Variants in CACNG4 observed in about 807,000 individuals in gnomAD.
CACNG4 encodes the protein calcium voltage-gated channel auxiliary subunit gamma 4.
A neutral mutation model predicts 22.9 loss-of-function variants in CACNG4; 8 were observed. The observed-to-expected ratio is 0.35, with a 90% confidence interval of 0.21 to 0.63. CACNG4 has a LOEUF of 0.63. Among genes scored for constraint, CACNG4 ranks in the 30% least tolerant of loss-of-function variants. The pLI, the probability that CACNG4 is intolerant of heterozygous loss-of-function variation, is 0.72. For missense variants in CACNG4, 357 were observed against 455.4 expected (o/e 0.78, Z 1.97); for synonymous variants, 188 against 191.9 (o/e 0.98, Z 0.17).
At chr17:67,010,472 C>T (rs2035462181) in intron 1 of CACNG4, among the ~76,000 whole-genome samples, 1 of 152,146 alleles carries the variant, frequency 6.6e-6, no homozygotes, top group Non-Finnish European at 1.5e-5. Context: ...AGTTAGGGCA[C>T]TTAGTAACAA....
At chr17:67,009,850 C>A (rs1567756744) in intron 1 of CACNG4, among the ~76,000 whole-genome samples, 1 of 151,658 alleles carries the variant, frequency 6.6e-6, no homozygotes, top group Non-Finnish European at 1.5e-5. Context: ...AACATCATCA[C>A]CTCAGGGTTA....
At chr17:66,989,697 G>A (rs1202814956) in intron 1 of CACNG4, among the ~76,000 whole-genome samples, 1 of 151,454 alleles carries the variant, frequency 6.6e-6, no homozygotes, top group Non-Finnish European at 1.5e-5. Flanking sequence ...CCAAGAGGGG[G>A]TAGCCTCAAA....
chr17:67,016,378 A>T (rs537095565), intron 1 of CACNG4, among the ~76,000 whole-genome samples: 1 of 152,172 alleles, frequency 6.6e-6, no homozygotes, highest in Admixed American at 6.5e-5. Flanking sequence ...GACCTTCAGG[A>T]ATCAGGGTTG....
At chr17:66,978,428 G>T (rs941322814) in intron 1 of CACNG4, among the ~76,000 whole-genome samples, 2 of 152,114 alleles carry the variant, frequency 1.3e-5, no homozygotes, top group African/African-American at 4.8e-5. Flanking sequence ...TCAGAGGAAG[G>T]GGGGCTTCGG....
intron 3 of CACNG4, among the ~76,000 whole-genome samples, chr17:67,025,280 A>G (rs1211945891): frequency 1.3e-5 from 2 of 152,228 alleles, no homozygotes; most frequent in East Asian, 3.8e-4. Flanking sequence ...TGTGCCCTTC[A>G]AAAGGGTTAC....
intron 1 of CACNG4, among the ~76,000 whole-genome samples, chr17:66,980,908 C>T (rs1282779094): frequency 1.3e-5 from 2 of 152,048 alleles, no homozygotes; most frequent in South Asian, 2.1e-4. Context: ...CGTGAGCCAC[C>T]GCACCCGGCC....
chr17:67,000,550 G>T (rs2035401986), intron 1 of CACNG4, among the ~76,000 whole-genome samples: 1 of 152,190 alleles, frequency 6.6e-6, no homozygotes, highest in South Asian at 2.1e-4. Context: ...CAGGGCGCCT[G>T]CTCTGGGACA....
At chr17:66,976,106 G>A (rs373707400) in intron 1 of CACNG4, among the ~76,000 whole-genome samples, 2 of 152,276 alleles carry the variant, frequency 1.3e-5, no homozygotes, top group South Asian at 2.1e-4. Context: ...GCCCTGCCGC[G>A]TCAGGTGACC....
chr17:66,970,832 C>T (rs113247157), intron 1 of CACNG4, among the ~76,000 whole-genome samples: 16 of 152,366 alleles, frequency 1.1e-4, no homozygotes, highest in African/African-American at 3.6e-4. Flanking sequence ...TGCTTCACAG[C>T]TGGTGCTTAC....
At chr17:67,013,321 G>A (rs943330022) in intron 1 of CACNG4, among the ~76,000 whole-genome samples, 5 of 152,078 alleles carry the variant, frequency 3.3e-5, no homozygotes, top group Non-Finnish European at 4.4e-5. Flanking sequence ...ATTTTCACTC[G>A]GAGTCAAAGA....
chr17:66,996,554 A>C (rs1473111801), intron 1 of CACNG4, among the ~76,000 whole-genome samples: 1 of 151,556 alleles, frequency 6.6e-6, no homozygotes, highest in Non-Finnish European at 1.5e-5. Context: ...CAATTTTTGT[A>C]TTTTTTGGTA....
At chr17:67,016,013 G>T (rs2035495163) in intron 1 of CACNG4, among the ~76,000 whole-genome samples, 1 of 152,044 alleles carries the variant, frequency 6.6e-6, no homozygotes, top group Non-Finnish European at 1.5e-5. Context: ...CTGTCTTGGA[G>T]TTCCTTCCTC....
intron 1 of CACNG4, among the ~76,000 whole-genome samples, chr17:66,980,222 A>G (rs2035263362): frequency 6.6e-6 from 1 of 152,336 alleles, no homozygotes; most frequent in African/African-American, 2.4e-5. Context: ...CTGTCAGCAC[A>G]ATTTCCACAT....
intron 1 of CACNG4, among the ~76,000 whole-genome samples, chr17:66,970,617 G>A (rs1283755594): frequency 1.3e-5 from 2 of 152,202 alleles, no homozygotes; most frequent in East Asian, 3.8e-4. Context: ...CTCACATGGT[G>A]GAGAGAGAGG....
At chr17:67,025,041 G>A (rs1267411933) in intron 3 of CACNG4, 41 bp downstream of exon 3, 1 of 1,528,916 alleles carries the variant, frequency 6.5e-7, no homozygotes, top group Non-Finnish European at 8.8e-7. Flanking sequence ...CGGGAGCTGG[G>A]GACACAGGAG....
intron 3 of CACNG4, among the ~76,000 whole-genome samples, chr17:67,026,204 CTG>C (rs914270529): frequency 3.0e-5 from 4 of 134,434 alleles, no homozygotes; most frequent in African/African-American, 8.6e-5. Context: ...TGTTTGAGGA[CTG>C]TGGTGTGTTT....
chr17:66,982,333 A>G (rs1598105601), intron 1 of CACNG4, among the ~76,000 whole-genome samples: 4 of 152,192 alleles, frequency 2.6e-5, no homozygotes, highest in African/African-American at 7.2e-5. Context: ...TGATTGATCT[A>G]TTTTACAGAG....
At chr17:66,983,774 T>A (rs2035290262) in intron 1 of CACNG4, among the ~76,000 whole-genome samples, 1 of 152,220 alleles carries the variant, frequency 6.6e-6, no homozygotes, top group Non-Finnish European at 1.5e-5. Context: ...TGCCACCCAC[T>A]GGCACACTTT....
chr17:67,028,562 AAAC>A (rs2035582639), intron 3 of CACNG4, among the ~76,000 whole-genome samples: 1 of 152,094 alleles, frequency 6.6e-6, no homozygotes, highest in African/African-American at 2.4e-5. Flanking sequence ...CAAAAAAGAA[AAAC>A]AAAAACAGAA....
Sources: gnomAD v4.1 joint callset for allele counts (sites outside exome capture counted in the v4.1 genomes callset) on GRCh38, gnomAD v4.1.1 for gene constraint, MANE v1.5 for transcripts, NCBI Gene and HGNC (gene_info 2026-07-23, HGNC 2026-07-21) for gene names.